USP40: variants seen among roughly 807,000 people sequenced by gnomAD.
USP40 encodes ubiquitin specific peptidase 40.
A neutral mutation model predicts 166.2 loss-of-function variants in USP40; 143 were observed. That is an observed-to-expected ratio of 0.86 (90% confidence interval 0.75 to 0.99). The LOEUF is 0.99. Among genes scored for constraint, USP40 ranks in the 50% least tolerant of loss-of-function variants. The pLI is 0.00. For synonymous variants in USP40, 498 were observed against 524.0 expected (o/e 0.95, Z 0.68); for missense variants, 1,444 against 1,479.7 (o/e 0.98, Z 0.40).
At chr2:233,518,087 C>T (rs1161918881) in intron 18 of USP40, among the ~76,000 whole-genome samples, 1 of 151,206 alleles carries the variant, frequency 6.6e-6, no homozygotes, top group South Asian at 2.1e-4. Context: ...GTATACTGCT[C>T]GTGTGATAGG....
rs1310165157 is a variant in USP40 at position 233,525,644 on chromosome 2, CA to C, written c.1726-83del. ...CTTTCCAGGTTACTGTGCCAACTCA[CA>C]TATGAAGATGACACAGAGAGCAAGC... On this transcript the variant is annotated intron_variant, in intron 13 of 31. Transcript: ENST00000678225. 4 of 1,008,808 alleles carry C rather than the reference CA, an allele frequency of 4.0e-6. No individual in the cohort carries two copies. The African/African-American group carries it at 6.4e-5, about 16-fold the overall frequency. The allele number at this position is 1,008,808 out of a possible 1,614,324, so 62.5% of individuals were successfully genotyped here.
Position 233,498,616 on chromosome 2 carries a change from T to A in USP40, c.2651-4A>T, listed in dbSNP as rs762819668. On this transcript the variant is annotated splice_region_variant and splice_polypyrimidine_tract_variant and intron_variant, in intron 22 of 31. Transcript: ENST00000678225. ...TTTCGTAAATGCCAGGCATCTCCTA[T>A]AAAGGAGTCAAAATTGGGATAAAAA... 3 of 1,611,982 alleles carry A rather than the reference T, an allele frequency of 1.9e-6. No individual in the cohort carries two copies. In the South Asian group the frequency reaches 3.3e-5, roughly 18 times the overall value.
At chr2:233,551,832 G>C (rs1463195714) in intron 6 of USP40, among the ~76,000 whole-genome samples, 2 of 152,018 alleles carry the variant, frequency 1.3e-5, no homozygotes, top group Admixed American at 6.6e-5. Flanking sequence ...CTTCATCCTT[G>C]GTGTCTCCAC....
intron 2 of USP40, among the ~76,000 whole-genome samples, chr2:233,563,029 A>G (rs2071798998): frequency 6.6e-6 from 1 of 152,214 alleles, no homozygotes; most frequent in South Asian, 2.1e-4. Context: ...AATTCTAGGA[A>G]AGGAAAATAA....
chr2:233,510,745 C>T (rs117997940), intron 20 of USP40, among the ~76,000 whole-genome samples: 2,902 of 152,166 alleles, frequency 0.019, 79 homozygotes, highest in Admixed American at 0.075. Context: ...ATCTCTGTCT[C>T]GATCACTCCC....
chr2:233,533,416 C>T (rs1430166883), intron 11 of USP40, 63 bp downstream of exon 11: 2 of 1,478,792 alleles, frequency 1.4e-6, no homozygotes, highest in South Asian at 2.7e-5. Flanking sequence ...ATTCAAACAG[C>T]ATTCCATGTT....
Position 233,510,127 on chromosome 2 carries a change from C to T in USP40, c.2535G>A (p.Leu845=), listed in dbSNP as rs371580596. The change falls in exon 21 of 32, where the codon CTG becomes CTA. Residue 845 remains leucine (L), a synonymous_variant. Transcript: ENST00000678225. ...GAACGTCACTCCCCATTGCAAAAAA[C>T]AGGAACAACTAATAACAAGACAGAT... ...GKAPSSSQLF[L]FFAMGSDVQP... is the part of the protein sequence containing the mutation. 1.9e-5 allele frequency: 31 copies of T among 1,600,622 alleles called. No individual in the cohort carries two copies. The Middle Eastern group carries it at 1.5e-3, about 77-fold the overall frequency.
chr2:233,527,372 G>A (rs562510328), intron 13 of USP40, 35 bp downstream of exon 13: 73 of 1,599,450 alleles, frequency 4.6e-5, no homozygotes, highest in Middle Eastern at 2.2e-4. Flanking sequence ...GATGGTGCTC[G>A]ATGTCTGAAT....
intron 18 of USP40, among the ~76,000 whole-genome samples, chr2:233,517,790 G>A (rs1029215365): frequency 7.1e-6 from 1 of 141,562 alleles, no homozygotes; most frequent in East Asian, 2.0e-4. Flanking sequence ...TGGTGTGTGT[G>A]TGTGTGTGTG....
chr2:233,542,411 T>A, intron 8 of USP40, 48 bp from the exon 9 acceptor site: 1 of 1,182,808 alleles, frequency 8.5e-7, no homozygotes. Context: ...CCTTAAAAAG[T>A]AACAAAATAG....
At chr2:233,492,996 TG>T (rs2065445806) in intron 25 of USP40, 4 of 195,228 alleles carry the variant, frequency 2.0e-5, no homozygotes, top group Admixed American at 1.1e-4. Context: ...AAGCAGTTCC[TG>T]AGGGTTTTGA....
intron 2 of USP40, among the ~76,000 whole-genome samples, chr2:233,564,431 G>C (rs111333922): frequency 2.0e-5 from 3 of 152,142 alleles, no homozygotes; most frequent in Non-Finnish European, 4.4e-5. Context: ...ACAGCTCCTA[G>C]GACCCTTGTG....
chr2:233,480,598 A>T lies in USP40; in HGVS notation c.3599+605T>A, dbSNP rs912376469. Reference sequence around the variant, plus strand: ...CTTCCTCCAGTGGCAGTAAGTGCAGAGCCAGACAACGGCAGGCGGCGCCAG... The same window carrying T: ...CTTCCTCCAGTGGCAGTAAGTGCAGTGCCAGACAACGGCAGGCGGCGCCAG... On this transcript the variant is annotated intron_variant, in intron 31 of 31. Transcript: ENST00000678225. This position sits in a 1 kb window ranked among gnomAD's most constrained non-coding sequence, Gnocchi z 4.5. Among the ~76,000 whole-genome samples, 15 of 152,242 alleles carry T rather than the reference A, an allele frequency of 9.9e-5. No individual in the cohort carries two copies. The highest frequency in any genetic ancestry group is 1.5e-5 in the Non-Finnish European group (1 of 68,042).
intron 24 of USP40, among the ~76,000 whole-genome samples, chr2:233,494,961 TATATATATATATATATATACAC>T (rs1193232851): frequency 1.4e-3 from 82 of 59,738 alleles, no homozygotes; most frequent in African/African-American, 7.8e-3. Flanking sequence ...TATATTTATA[TATATATATATATATATATACAC>T]ACACATAAAA....
rs1346344678 is a variant in USP40 at position 233,485,907 on chromosome 2, G to C, written c.3268C>G (p.Leu1090Val). 3 of 1,602,544 alleles carry C rather than the reference G, an allele frequency of 1.9e-6. No individual in the cohort carries two copies. The highest frequency in any genetic ancestry group is 1.7e-4 in the Middle Eastern group (1 of 6,048). Residue 1090 changes from leucine (L) to valine (V), a missense_variant, in exon 29 of 32, where the codon CTG (leucine) becomes GTG (valine). Leu to Val is a conservative substitution (Grantham distance 32). Coordinates refer to ENST00000678225, the MANE Select transcript of USP40 (RefSeq NM_001365479.2). ...CCACCCTGGGCCGCGTTCCACACCA[G>C]GTCCAGGGCAGGGGCATAGGTCCTC... is the stretch of plus-strand genomic sequence containing the variant. ...GERTYAPALD[L>V]VWNAAQGGTA... is the part of the protein sequence containing the mutation.
chr2:233,542,780 G>C (rs531428443), intron 8 of USP40, among the ~76,000 whole-genome samples: 1 of 152,262 alleles, frequency 6.6e-6, no homozygotes, highest in South Asian at 2.1e-4. Flanking sequence ...TCCAGCTCCT[G>C]GTTGAGCAAT....
chr2:233,556,707 A>T, intron 5 of USP40, 148 bp downstream of exon 5: 1 of 639,206 alleles, frequency 1.6e-6, no homozygotes, highest in Non-Finnish European at 2.4e-6. Flanking sequence ...TAGGCTCATG[A>T]TTTAGGTGTA....
In USP40 at chr2:233,545,868, A is replaced by T. The variant is rs1224385133; in HGVS notation, c.966+3233T>A. 3.8e-5 allele frequency: 6 copies of T among 158,798 alleles called. No individual in the cohort carries two copies. In the East Asian group the frequency reaches 1.1e-3, roughly 28 times the overall value. The allele number at this position is 158,798 out of a possible 1,614,324, so 9.8% of individuals were successfully genotyped here. A position where few individuals can be genotyped will look rare whatever the true frequency, so the allele number is the denominator to read the frequency against. ...ACAGGGGATCTGTCAGGATAATGGT[A>T]GTAAAGAGACAAGCACAGTGTCCAC... On this transcript the variant is annotated intron_variant, in intron 8 of 31. Transcript: ENST00000678225.
intron 18 of USP40, among the ~76,000 whole-genome samples, chr2:233,518,220 T>TC (rs1444415062): frequency 7.9e-6 from 1 of 125,984 alleles, no homozygotes; most frequent in Non-Finnish European, 1.7e-5. Flanking sequence ...TTTTTTTTTT[T>TC]AAAAGTCAAA....
Sources: allele counts gnomAD v4.1 joint callset (sites outside exome capture counted in the v4.1 genomes callset), GRCh38; gene constraint gnomAD v4.1.1; non-coding constraint Gnocchi (gnomAD v3.1); transcripts MANE v1.5; gene names NCBI Gene and HGNC (gene_info 2026-07-23, HGNC 2026-07-21).